DYNC2H1: variants seen among roughly 807,000 people sequenced by gnomAD.
DYNC2H1 encodes dynein cytoplasmic 2 heavy chain 1, also known as cytoplasmic dynein 2 heavy chain 1.
In DYNC2H1, 410 loss-of-function variants were observed where a neutral mutation model predicts 570.0. The ratio of observed to expected loss-of-function variants is 0.72; its 90% CI spans 0.66 to 0.78. DYNC2H1 has a LOEUF of 0.78. Among genes scored for constraint, DYNC2H1 ranks in the 30% least tolerant of loss-of-function variants. The pLI is 0.00. For missense variants in DYNC2H1, 4,865 were observed against 5,046.4 expected, an observed-to-expected ratio of 0.96 and a Z score of 1.09; for synonymous variants, 1,688 against 1,677.6, an observed-to-expected ratio of 1.01 and a Z score of -0.15.
chr11:103,346,313 A>AT (rs1159233154), intron 82 of DYNC2H1, among the ~76,000 whole-genome samples: 1 of 152,086 alleles, frequency 6.6e-6, no homozygotes, highest in East Asian at 1.9e-4. Flanking sequence ...TTAAGTTTCC[A>AT]TTTTTTCTCA....
intron 3 of DYNC2H1, among the ~76,000 whole-genome samples, chr11:103,114,711 C>T (rs1858290450): frequency 1.3e-5 from 2 of 152,190 alleles, no homozygotes; most frequent in African/African-American, 4.8e-5. Flanking sequence ...GTCATAACAT[C>T]TCATCAACTG....
chr11:103,141,240 T>C (rs1009785235), intron 17 of DYNC2H1, among the ~76,000 whole-genome samples: 26 of 152,250 alleles, frequency 1.7e-4, no homozygotes, highest in Admixed American at 1.5e-3. Flanking sequence ...TTTGTTCCGT[T>C]ACTGGTGAGG....
intron 69 of DYNC2H1, among the ~76,000 whole-genome samples, chr11:103,259,505 C>T (rs554008211): frequency 9.2e-5 from 14 of 152,068 alleles, no homozygotes; most frequent in South Asian, 4.2e-4. Context: ...TGAGAAAATT[C>T]TTTATAAGGT....
rs1565433331 is a variant in DYNC2H1 at position 103,252,870 on chromosome 11, G to A, written c.10043-415G>A. Among the ~76,000 whole-genome samples, 1 of 151,806 alleles carries A rather than the reference G, an allele frequency of 6.6e-6. No homozygotes were observed. The highest frequency in any genetic ancestry group is 2.4e-5 in the African/African-American group (1 of 41,316). ...AATCTGTTTTTTTAACCATCATTCT[G>A]TTTTCAAATACTGTATCTTAAATAC... On this transcript the variant is annotated intron_variant, in intron 65 of 88. Coordinates refer to ENST00000375735, the MANE Select transcript of DYNC2H1 (RefSeq NM_001377.3). This position sits in a 1 kb window ranked among gnomAD's most constrained non-coding sequence, Gnocchi z 4.6.
rs912331453 is a variant in DYNC2H1, at chr11:103,289,793, G to A, written c.11095+2188G>A. Among the ~76,000 whole-genome samples, 31 of 152,084 alleles carry A rather than the reference G, an allele frequency of 2.0e-4. No individual in the cohort carries two copies. The highest frequency in any genetic ancestry group is 2.4e-5 in the African/African-American group (1 of 41,422). On this transcript the variant is annotated intron_variant, in intron 75 of 88. Coordinates refer to ENST00000375735, the MANE Select transcript of DYNC2H1 (RefSeq NM_001377.3). This position sits in a 1 kb window ranked among gnomAD's most constrained non-coding sequence, Gnocchi z 4.2. ...AAAAGAAAAATGATTCTCTTTGTTGGATATAACCCATATATAATGTTGAAT... is the reference window on the plus strand; with the variant it reads ...AAAAGAAAAATGATTCTCTTTGTTGAATATAACCCATATATAATGTTGAAT...
chr11:103,215,157 C>T (rs1444937287), intron 54 of DYNC2H1, among the ~76,000 whole-genome samples: 3 of 152,168 alleles, frequency 2.0e-5, no homozygotes, highest in Admixed American at 6.5e-5. Context: ...TTCTCTTGCC[C>T]GATTGATGTG....
chr11:103,332,974 G>T (rs1409558692), intron 82 of DYNC2H1, among the ~76,000 whole-genome samples: 1 of 151,170 alleles, frequency 6.6e-6, no homozygotes, highest in Non-Finnish European at 1.5e-5. Context: ...CTGTACTCCA[G>T]CCCGGGAGAC....
In DYNC2H1 at chr11:103,272,800, G is replaced by A. The variant is rs190422636; in HGVS notation, c.10696-7548G>A. ...TAGAGTGTATGGGATTTAATGTATG[G>A]GAGGTGTGGTTGACTTAAACCATCT... On this transcript the variant is annotated intron_variant, in intron 70 of 88. Coordinates refer to ENST00000375735, the MANE Select transcript of DYNC2H1 (RefSeq NM_001377.3). Among the ~76,000 whole-genome samples, 513 of 152,060 alleles carry A rather than the reference G, an allele frequency of 3.4e-3. 3 individuals are homozygous for A. Among genetic ancestry groups the A allele is most frequent in the Non-Finnish European group, 5.5e-3 (375 of 67,984 alleles).
Position 103,188,505 on chromosome 11 carries a change from G to A in DYNC2H1, c.7149G>A (p.Thr2383=), listed in dbSNP as rs553516014. The change falls in exon 44 of 89, where the codon ACG becomes ACA. Residue 2383 remains threonine, a synonymous_variant. Transcript: ENST00000375735. ...TLVAFLQQVL[T]YQGFYDENLE... ...TATTTATTTTCAAATAGGTATTGAC[G>A]TATCAAGGATTTTATGATGAAAATT... 5.6e-5 allele frequency: 89 copies of A among 1,595,326 alleles called. No individual in the cohort carries two copies. The highest frequency in any genetic ancestry group is 7.2e-5 in the Non-Finnish European group (84 of 1,167,424).
intron 75 of DYNC2H1, among the ~76,000 whole-genome samples, chr11:103,301,775 C>T (rs969178205): frequency 4.6e-5 from 7 of 151,762 alleles, no homozygotes; most frequent in Non-Finnish European, 1.0e-4. Flanking sequence ...TCTTTTGACC[C>T]ATCATGATAA....
At chr11:103,386,486 C>G (rs1941879167) in intron 83 of DYNC2H1, among the ~76,000 whole-genome samples, 1 of 151,202 alleles carries the variant, frequency 6.6e-6, no homozygotes. Flanking sequence ...TTTGGGCTAT[C>G]TTATTGGCTT....
chr11:103,165,534 A>G (rs1053257994), intron 30 of DYNC2H1, among the ~76,000 whole-genome samples: 4 of 152,250 alleles, frequency 2.6e-5, no homozygotes, highest in African/African-American at 9.6e-5. Flanking sequence ...TTTATTAATT[A>G]GAATGCATCA....
chr11:103,260,786 A>C (rs1446000402), intron 70 of DYNC2H1, among the ~76,000 whole-genome samples: 1 of 151,590 alleles, frequency 6.6e-6, no homozygotes, highest in Non-Finnish European at 1.5e-5. Flanking sequence ...TGCCTGGGTA[A>C]CTTTTGTATT....
Position 103,472,163 on chromosome 11 carries a change from C to A in DYNC2H1, c.12765+3458C>A, listed in dbSNP as rs1376374993. On this transcript the variant is annotated intron_variant, in intron 88 of 88. Transcript: ENST00000375735. The surrounding 1 kb of genome is among the most constrained non-coding windows in gnomAD (Gnocchi z 4.1). The stretch of plus-strand genomic sequence containing the variant: ...TGCGGCCAGAAAGGAAGGCCAAGAC[C>A]AAGTATGAGAAGCTGAGTAGCCATG... Among the ~76,000 whole-genome samples the A allele has an allele frequency of 6.6e-6, 1 of 151,960 alleles. No individual in the cohort carries two copies. The highest frequency in any genetic ancestry group is 1.5e-5 in the Non-Finnish European group (1 of 67,988).
chr11:103,477,798 T>C (rs775549543), intron 88 of DYNC2H1, among the ~76,000 whole-genome samples: 34 of 117,050 alleles, frequency 2.9e-4, no homozygotes, highest in Non-Finnish European at 4.8e-4. Context: ...GCCACTGCAC[T>C]CCAGCCGGGG....
intron 86 of DYNC2H1, 140 bp downstream of exon 86, chr11:103,455,435 C>T (rs1357825247): frequency 2.9e-6 from 2 of 681,730 alleles, no homozygotes; most frequent in Non-Finnish European, 5.0e-6. Flanking sequence ...TTATTCTCTA[C>T]TTTAAATCAT....
chr11:103,304,468 C>G, intron 76 of DYNC2H1, 127 bp from the exon 77 acceptor site: 4 of 1,048,124 alleles, frequency 3.8e-6, no homozygotes, highest in African/African-American at 1.6e-5. Flanking sequence ...TTTGATTCTT[C>G]TTCCAAATTT....
At chr11:103,459,657 A>T (rs1483333326) in intron 87 of DYNC2H1, among the ~76,000 whole-genome samples, 1 of 152,084 alleles carries the variant, frequency 6.6e-6, no homozygotes, top group African/African-American at 2.4e-5. Flanking sequence ...ATTCTCACTT[A>T]AAGCTGAAGG....
intron 83 of DYNC2H1, among the ~76,000 whole-genome samples, chr11:103,397,676 C>T (rs1942454050): frequency 6.6e-6 from 1 of 152,122 alleles, no homozygotes; most frequent in Non-Finnish European, 1.5e-5. Context: ...AGGTTGATCA[C>T]TTGAGTCCTG....
Sources: allele counts gnomAD v4.1 joint callset (sites outside exome capture counted in the v4.1 genomes callset), GRCh38; gene constraint gnomAD v4.1.1; non-coding constraint Gnocchi (gnomAD v3.1); transcripts MANE v1.5; gene names NCBI Gene and HGNC (gene_info 2026-07-23, HGNC 2026-07-21).